The following COX7A2 variants were observed in gnomAD, a reference collection of about 807,000 sequenced individuals.
COX7A2 encodes the protein cytochrome c oxidase subunit 7A2, mitochondrial.
Under a neutral mutation model 11.6 loss-of-function variants are expected in COX7A2, and 11 were observed. That is an observed-to-expected ratio of 0.95 (90% CI 0.60 to 1.57). COX7A2 has a LOEUF of 1.57. Ranked by LOEUF, COX7A2 falls within the 40% of genes most tolerant of loss-of-function variation. COX7A2 has a pLI of 0.00. For synonymous variants in COX7A2, 30 were observed against 38.2 expected (o/e 0.78, Z 0.79); for missense variants, 106 against 100.9 (o/e 1.05, Z -0.22).
In COX7A2 at chr6:75,240,323, G is replaced by A. The variant is rs1364277805; in HGVS notation, c.171C>T (p.Ala57=). The A allele has an allele frequency of 6.2e-7, 1 of 1,610,722 alleles. No homozygotes were observed. The highest frequency in any genetic ancestry group is 8.5e-7 in the Non-Finnish European group (1 of 1,178,864). ...GGVADALLYR[A]TMILTVGGTA... Reference sequence around the variant, plus strand: ...TACCACCAACTGTAAGAATCATGGTGGCTCTATACAGGAGGGCATCAGCTA... The same window carrying A: ...TACCACCAACTGTAAGAATCATGGTAGCTCTATACAGGAGGGCATCAGCTA... Residue 57 remains alanine (A), a synonymous_variant, in exon 3 of 4, where the codon GCC becomes GCT. Transcript: ENST00000684430.
chr6:75,242,229 G>C (rs1221833230), intron 1 of COX7A2, among the ~76,000 whole-genome samples: 2 of 151,998 alleles, frequency 1.3e-5, no homozygotes. Context: ...ACTTGGCCAG[G>C]CGCGGTGGCT....
At chr6:75,243,577 A>C in intron 1 of COX7A2, 140 bp downstream of exon 1, 2 of 737,326 alleles carry the variant, frequency 2.7e-6, no homozygotes, top group Non-Finnish European at 4.6e-6. Context: ...AAGTAAGGTC[A>C]GGGAAAAAGG....
chr6:75,241,409 C>A (rs1158244309), intron 1 of COX7A2, 144 bp from the exon 2 acceptor site: 7 of 620,178 alleles, frequency 1.1e-5, no homozygotes, highest in Non-Finnish European at 1.5e-5. Context: ...GCAAGAGCAT[C>A]CAGGTTTTTC....
In COX7A2 at chr6:75,237,843, C is replaced by A; in HGVS notation, c.*87G>T. On this transcript the variant is annotated 3_prime_UTR_variant, in exon 4 of 4. Coordinates refer to ENST00000684430, the MANE Select transcript of COX7A2 (RefSeq NM_001366293.2). ...ACTACAAGTCAATAAATATTGATCC[C>A]CAAAGAAGAGCTCGGTTATTTATCA... 5 of 999,656 alleles carry A rather than the reference C, an allele frequency of 5.0e-6. No homozygotes were observed. Among genetic ancestry groups the A allele is most frequent in the South Asian group, 1.5e-5 (1 of 68,892 alleles). 61.9% of individuals were successfully genotyped at this position (999,656 alleles called of 1,614,324 possible).
chr6:75,242,718 G>C (rs1270165881), intron 1 of COX7A2, among the ~76,000 whole-genome samples: 1 of 151,792 alleles, frequency 6.6e-6, no homozygotes, highest in African/African-American at 2.4e-5. Context: ...TAGTTGGAAG[G>C]CTGAGGCAGC....
intron 3 of COX7A2, 110 bp downstream of exon 3, chr6:75,240,191 C>T (rs1771449729): frequency 2.6e-6 from 2 of 766,958 alleles, no homozygotes; most frequent in Admixed American, 4.7e-5. Flanking sequence ...ATATCAAATT[C>T]TGGAGACAAA....
upstream of COX7A2, among the ~76,000 whole-genome samples, chr6:75,246,071 T>C (rs1271857778): frequency 6.6e-6 from 1 of 152,190 alleles, no homozygotes; most frequent in Non-Finnish European, 1.5e-5. Context: ...TGTGATTTCA[T>C]CTAACATTGA....
upstream of COX7A2, among the ~76,000 whole-genome samples, chr6:75,244,961 G>A (rs919271328): frequency 2.6e-5 from 4 of 152,122 alleles, no homozygotes; most frequent in Admixed American, 1.3e-4. Flanking sequence ...AAATTACCAC[G>A]TGCCAATAGC....
At chr6:75,246,534 C>A (rs1771685407), upstream of COX7A2, among the ~76,000 whole-genome samples, 1 of 152,146 alleles carries the variant, frequency 6.6e-6, no homozygotes, top group African/African-American at 2.4e-5. Context: ...AGCAATGATT[C>A]TTTTAAGAAC....
chr6:75,243,617 C>T lies in COX7A2; in HGVS notation c.18+100G>A, dbSNP rs1771593416. 4 of 1,151,972 alleles carry T rather than the reference C, an allele frequency of 3.5e-6. No homozygotes were observed. In the Admixed American group the frequency reaches 7.8e-5, roughly 22 times the overall value. 71.4% of individuals were successfully genotyped at this position (1,151,972 alleles called of 1,614,324 possible). On this transcript the variant is annotated intron_variant, in intron 1 of 3. Transcript: ENST00000684430. ...GAATCAAGGTGACTTCATTAGCCGC[C>T]TTCGGCACCCCTCCCAGGTGAGGGT...
At chr6:75,244,566 TTAAG>T (rs530193026), upstream of COX7A2, among the ~76,000 whole-genome samples, 969 of 152,330 alleles carry the variant, frequency 6.4e-3, 10 homozygotes, top group African/African-American at 0.022. Context: ...TCCATTTTGC[TTAAG>T]TAATCCCCAT....
chr6:75,241,150 A>C, intron 2 of COX7A2, 26 bp downstream of exon 2: 1 of 1,583,966 alleles, frequency 6.3e-7, no homozygotes, highest in Non-Finnish European at 8.6e-7. Context: ...ATTACAAGTA[A>C]CATCTCCTAT....
chr6:75,248,765 A>C (rs1470302391), upstream of COX7A2, among the ~76,000 whole-genome samples: 1 of 152,214 alleles, frequency 6.6e-6, no homozygotes, highest in Non-Finnish European at 1.5e-5. Flanking sequence ...GTTACCTACT[A>C]TGAATGTAAC....
chr6:75,242,437 C>T (rs373698092), intron 1 of COX7A2, among the ~76,000 whole-genome samples: 10 of 151,998 alleles, frequency 6.6e-5, no homozygotes, highest in African/African-American at 1.7e-4. Context: ...ATCCAGGAGG[C>T]GGGGTTTGCA....
intron 1 of COX7A2, among the ~76,000 whole-genome samples, chr6:75,242,525 T>TA (rs985840120): frequency 4.3e-5 from 6 of 138,954 alleles, no homozygotes; most frequent in Middle Eastern, 5.3e-3. Flanking sequence ...AAATAAAAAA[T>TA]AAAAAAATAA....
chr6:75,237,955 G>A lies in COX7A2; in HGVS notation c.227C>T (p.Ala76Val), dbSNP rs796306978. ...TCACTCCTGCTTCTTGGGAAATGAAGCCACAGCCAGCTCATATATGGCATA... is the reference window on the plus strand; with the variant it reads ...TCACTCCTGCTTCTTGGGAAATGAAACCACAGCCAGCTCATATATGGCATA... ...TAYAIYELAVASFPKKQE is the reference protein window; with the variant it reads ...TAYAIYELAVVSFPKKQE Residue 76 changes from alanine to valine, a missense_variant, in exon 4 of 4, where the codon GCT (alanine) becomes GTT (valine). By Grantham distance (64) the Ala-to-Val change is moderately conservative (BLOSUM62 0). Coordinates refer to ENST00000684430, the MANE Select transcript of COX7A2 (RefSeq NM_001366293.2). 6.2e-7 allele frequency: 1 copy of A among 1,605,852 alleles called. No individual in the cohort carries two copies. The highest frequency in any genetic ancestry group is 1.7e-5 in the Admixed American group (1 of 59,712).
chr6:75,240,366 A>G lies in COX7A2; in HGVS notation c.128T>C (p.Leu43Pro), dbSNP rs1302990606. The stretch of plus-strand genomic sequence containing the variant: ...ATCAGCTACCCCACCCTTTAGATAC[A>G]GTGGAATTTCATCATCCTCCTAGAT... ...KLFQEDDEIP[L>P]YLKGGVADAL... is the part of the protein sequence containing the mutation. The change falls in exon 3 of 4, where the codon CTG becomes CCG. Residue 43 changes from leucine to proline, a missense_variant. By Grantham distance (98) the Leu-to-Pro change is moderately conservative. Transcript: ENST00000684430. 1.3e-6 allele frequency: 2 copies of G among 1,582,132 alleles called. No individual in the cohort carries two copies. The highest frequency in any genetic ancestry group is 1.7e-6 in the Non-Finnish European group (2 of 1,166,486).
At chr6:75,243,952 G>T (rs1582265137), upstream of COX7A2, 10 of 826,028 alleles carry the variant, frequency 1.2e-5, no homozygotes, top group Non-Finnish European at 1.9e-5. Context: ...TCTCAGTCCC[G>T]TGATCTCGTT....
At chr6:75,238,815 CTTTT>C (rs544006391) in intron 3 of COX7A2, among the ~76,000 whole-genome samples, 1 of 144,346 alleles carries the variant, frequency 6.9e-6, no homozygotes, top group Non-Finnish European at 1.5e-5. Flanking sequence ...AGGGCTTTAT[CTTTT>C]TTTTTCTTTT....
Sources: gnomAD v4.1 joint callset for allele counts (sites outside exome capture counted in the v4.1 genomes callset) on GRCh38, gnomAD v4.1.1 for gene constraint, MANE v1.5 for transcripts, NCBI Gene and HGNC (gene_info 2026-07-23, HGNC 2026-07-21) for gene names.